The following SPOCK1 variants were observed in gnomAD, a reference collection of about 807,000 sequenced individuals.
SPOCK1 encodes the protein testican-1.
In SPOCK1, 23 loss-of-function variants were observed where a neutral mutation model predicts 55.3. The observed-to-expected ratio is 0.42, with a 90% CI of 0.30 to 0.59. The LOEUF (loss-of-function observed/expected upper bound fraction) is 0.59. Ranked by LOEUF, SPOCK1 falls within the 20% of genes least tolerant of loss-of-function variation. The pLI, the probability that SPOCK1 is intolerant of heterozygous loss-of-function variation, is 0.22. For missense variants in SPOCK1, 499 were observed against 552.5 expected (o/e 0.90, Z 0.97); for synonymous variants, 226 against 221.0 (o/e 1.02, Z -0.20).
At chr5:136,984,662 G>A (rs1339694902) in intron 9 of SPOCK1, among the ~76,000 whole-genome samples, 1 of 152,178 alleles carries the variant, frequency 6.6e-6, no homozygotes, top group Non-Finnish European at 1.5e-5. Flanking sequence ...GGAGGGATTA[G>A]GTGAAGGTAG....
chr5:137,170,364 C>T (rs937406517), intron 3 of SPOCK1, among the ~76,000 whole-genome samples: 1 of 152,146 alleles, frequency 6.6e-6, no homozygotes, highest in Non-Finnish European at 1.5e-5. Context: ...GGACCAAGCA[C>T]TCCACAAGCA....
intron 5 of SPOCK1, among the ~76,000 whole-genome samples, chr5:137,108,556 G>A (rs1047557237): frequency 3.3e-5 from 5 of 152,112 alleles, no homozygotes; most frequent in Non-Finnish European, 7.4e-5. Flanking sequence ...GACCATGGGC[G>A]TAAAACTCCC....
In SPOCK1 at chr5:137,217,685, A is replaced by T. The variant is rs1213446013; in HGVS notation, c.232+49325T>A. On this transcript the variant is annotated intron_variant, in intron 3 of 10. Coordinates refer to ENST00000394945, the MANE Select transcript of SPOCK1 (RefSeq NM_004598.4). Reference sequence around the variant, plus strand: ...ACTCACTGTACTTCTTATATTAGTAAGAACAGCTTGATAACATTTTTACTG... The same window carrying T: ...ACTCACTGTACTTCTTATATTAGTATGAACAGCTTGATAACATTTTTACTG... Among the ~76,000 whole-genome samples, 8 of 152,352 alleles carry T rather than the reference A, an allele frequency of 5.3e-5. No homozygotes were observed. In the East Asian group the frequency reaches 1.5e-3, roughly 29 times the overall value.
intron 4 of SPOCK1, among the ~76,000 whole-genome samples, chr5:137,119,020 T>C (rs1208499749): frequency 1.3e-5 from 2 of 152,178 alleles, no homozygotes; most frequent in African/African-American, 4.8e-5. Context: ...AATAAACCCA[T>C]TTTACAGATC....
At chr5:137,452,090 C>T (rs979130177) in intron 2 of SPOCK1, among the ~76,000 whole-genome samples, 1 of 152,128 alleles carries the variant, frequency 6.6e-6, no homozygotes, top group Non-Finnish European at 1.5e-5. Context: ...TTTGGATTTT[C>T]CAGTGTTTCA....
rs112881007 is a variant in SPOCK1 at position 137,356,482 on chromosome 5, T to C, written c.187-89427A>G. ...TTTATTTGCCAGGAACCCAAGCAGATGGATACCATTTACCTCCATTTTAGA... is the reference window on the plus strand; with the variant it reads ...TTTATTTGCCAGGAACCCAAGCAGACGGATACCATTTACCTCCATTTTAGA... On this transcript the variant is annotated intron_variant, in intron 2 of 10. Coordinates refer to ENST00000394945, the MANE Select transcript of SPOCK1 (RefSeq NM_004598.4). 1.6e-3 allele frequency among the ~76,000 whole-genome samples: 244 copies of C among 151,900 alleles called. 1 individual carries two copies. Among genetic ancestry groups the C allele is most frequent in the African/African-American group, 5.3e-3 (218 of 41,424 alleles).
chr5:137,182,123 CT>C (rs1024827075), intron 3 of SPOCK1, among the ~76,000 whole-genome samples: 3 of 152,196 alleles, frequency 2.0e-5, no homozygotes, highest in African/African-American at 7.2e-5. Flanking sequence ...AATCGTGCCA[CT>C]TTTTTGCCCT....
At chr5:137,498,606 G>T in intron 1 of SPOCK1, 48 bp from the exon 2 acceptor site, 1 of 1,261,630 alleles carries the variant, frequency 7.9e-7, no homozygotes, top group Middle Eastern at 3.1e-4. Flanking sequence ...GCGGGCGGCC[G>T]CGAGCCCCGG....
intron 2 of SPOCK1, among the ~76,000 whole-genome samples, chr5:137,388,246 G>T (rs1050956283): frequency 1.3e-5 from 2 of 152,128 alleles, no homozygotes; most frequent in Non-Finnish European, 2.9e-5. Flanking sequence ...TTCATCTCCT[G>T]GGTAACAGCA....
intron 3 of SPOCK1, among the ~76,000 whole-genome samples, chr5:137,263,098 C>T (rs1350850162): frequency 4.6e-5 from 7 of 152,150 alleles, no homozygotes; most frequent in Non-Finnish European, 8.8e-5. Context: ...AACCCTAAGA[C>T]CCCAGACTGC....
At chr5:137,141,394 A>C (rs1561624763) in intron 3 of SPOCK1, among the ~76,000 whole-genome samples, 2 of 152,242 alleles carry the variant, frequency 1.3e-5, no homozygotes, top group South Asian at 2.1e-4. Context: ...TTTCCTATGA[A>C]AAGTCCTTGA....
chr5:137,203,107 A>G (rs1721428174), intron 3 of SPOCK1, among the ~76,000 whole-genome samples: 1 of 152,238 alleles, frequency 6.6e-6, no homozygotes, highest in African/African-American at 2.4e-5. Flanking sequence ...ACCCTTAATG[A>G]AACTTCATTT....
intron 5 of SPOCK1, 46 bp downstream of exon 5, chr5:137,112,389 C>G: frequency 1.2e-6 from 2 of 1,600,472 alleles, no homozygotes; most frequent in Non-Finnish European, 1.7e-6. Flanking sequence ...TTAGAACAAG[C>G]CGACATGAAG....
chr5:137,490,000 A>T (rs903354879), intron 2 of SPOCK1, among the ~76,000 whole-genome samples: 1 of 152,096 alleles, frequency 6.6e-6, no homozygotes, highest in African/African-American at 2.4e-5. Flanking sequence ...AAGGAACATA[A>T]ATGATTATTC....
intron 2 of SPOCK1, among the ~76,000 whole-genome samples, chr5:137,332,012 A>G (rs1330841687): frequency 6.6e-6 from 1 of 152,090 alleles, no homozygotes; most frequent in Non-Finnish European, 1.5e-5. Context: ...CCCACATTCA[A>G]AGTAACACAC....
chr5:137,364,452 A>G (rs1354304250), intron 2 of SPOCK1, among the ~76,000 whole-genome samples: 2 of 152,228 alleles, frequency 1.3e-5, no homozygotes, highest in Non-Finnish European at 2.9e-5. Flanking sequence ...AGTCATTTTT[A>G]CACAGCCTTT....
intron 6 of SPOCK1, among the ~76,000 whole-genome samples, chr5:137,005,149 T>C (rs562019506): frequency 2.6e-5 from 4 of 152,238 alleles, no homozygotes; most frequent in Admixed American, 1.3e-4. Flanking sequence ...ACAGAAAAGA[T>C]AGGACCATAC....
chr5:137,160,572 TATATAATATATATAATATATA>T (rs1754518798), intron 3 of SPOCK1, among the ~76,000 whole-genome samples: 1 of 49,906 alleles, frequency 2.0e-5, no homozygotes, highest in Non-Finnish European at 3.4e-5. Context: ...TATTATATAT[TATATAATATATATAATATATA>T]ATATATTATA....
intron 3 of SPOCK1, among the ~76,000 whole-genome samples, chr5:137,180,730 A>G (rs1434640786): frequency 1.3e-5 from 2 of 152,184 alleles, no homozygotes; most frequent in African/African-American, 4.8e-5. Flanking sequence ...AGCTGTGAGG[A>G]GGCCTCATTT....
Sources: allele counts gnomAD v4.1 joint callset (sites outside exome capture counted in the v4.1 genomes callset), GRCh38; gene constraint gnomAD v4.1.1; transcripts MANE v1.5; gene names NCBI Gene and HGNC (gene_info 2026-07-23, HGNC 2026-07-21).